Variants in HPSE2 observed in about 807,000 individuals in gnomAD.
The protein encoded by HPSE2 is inactive heparanase-2.
A neutral mutation model predicts 60.5 loss-of-function variants in HPSE2; 38 were observed. The observed-to-expected ratio is 0.63, with a 90% confidence interval of 0.48 to 0.82. The LOEUF (loss-of-function observed/expected upper bound fraction) is 0.82, where lower values mean the gene tolerates loss of function less well. Among genes scored for constraint, HPSE2 ranks in the 40% least tolerant of loss-of-function variants. The probability of loss-of-function intolerance (pLI) is 0.00; values close to 1 mark genes in which losing one functional copy is unlikely to be tolerated. For synonymous variants in HPSE2, 295 were observed against 293.2 expected (o/e 1.01, Z -0.06); for missense variants, 713 against 740.4 (o/e 0.96, Z 0.43).
intron 3 of HPSE2, among the ~76,000 whole-genome samples, chr10:98,954,067 A>T (rs945952653): frequency 2.0e-5 from 3 of 152,176 alleles, no homozygotes; most frequent in African/African-American, 7.2e-5. Flanking sequence ...GCACTTTGGG[A>T]GGCCGAGGCA....
chr10:98,463,646 A>G (rs1940402365), intron 11 of HPSE2, among the ~76,000 whole-genome samples: 1 of 152,056 alleles, frequency 6.6e-6, no homozygotes, highest in Admixed American at 6.5e-5. Flanking sequence ...CTACAAAAAA[A>G]TAAACAAAAT....
At chr10:99,058,973 T>C (rs1046741599) in intron 3 of HPSE2, among the ~76,000 whole-genome samples, 1 of 152,214 alleles carries the variant, frequency 6.6e-6, no homozygotes, top group African/African-American at 2.4e-5. Flanking sequence ...TGTTGTAGCA[T>C]AAAAGCAACC....
chr10:99,267,542 TG>T, the HPSE2 span, among the ~76,000 whole-genome samples: 1 of 152,046 alleles, frequency 6.6e-6, no homozygotes, highest in African/African-American at 2.4e-5. Flanking sequence ...CCAACACTTT[TG>T]GAGGCTGAGT....
At chr10:98,749,930 C>CTATATATATATATATATATA (rs771032742) in intron 3 of HPSE2, among the ~76,000 whole-genome samples, 11 of 96,976 alleles carry the variant, frequency 1.1e-4, no homozygotes, top group African/African-American at 3.4e-4. Context: ...ATATTAAACA[C>CTATATATATATATATATATA]TATATATATA....
intron 3 of HPSE2, among the ~76,000 whole-genome samples, chr10:98,952,200 G>T (rs1456768808): frequency 6.6e-6 from 1 of 152,152 alleles, no homozygotes; most frequent in East Asian, 1.9e-4. Flanking sequence ...CACAAGTGAG[G>T]TGCTAAGCAG....
chr10:98,698,282 C>T (rs1321268698), intron 5 of HPSE2, among the ~76,000 whole-genome samples: 37 of 69,652 alleles, frequency 5.3e-4, no homozygotes, highest in Non-Finnish European at 3.2e-4. Context: ...GAAATTATAA[C>T]AAACTGTCTC....
chr10:98,595,666 T>C (rs1413233570), intron 9 of HPSE2, among the ~76,000 whole-genome samples: 1 of 152,198 alleles, frequency 6.6e-6, no homozygotes, highest in African/African-American at 2.4e-5. Context: ...ATTTAACTTA[T>C]TATTTTCCAA....
intron 2 of HPSE2, among the ~76,000 whole-genome samples, chr10:99,218,904 T>C (rs1849222207): frequency 6.6e-6 from 1 of 152,240 alleles, no homozygotes; most frequent in Non-Finnish European, 1.5e-5. Context: ...AATAAGTCCA[T>C]GATCTGCTTT....
intron 2 of HPSE2, among the ~76,000 whole-genome samples, chr10:99,193,903 GA>G (rs1257552790): frequency 6.6e-6 from 1 of 152,044 alleles, no homozygotes; most frequent in African/African-American, 2.4e-5. Context: ...AATCAACAAA[GA>G]AATACTGGAT....
At chr10:98,551,387 A>T (rs987801566) in intron 9 of HPSE2, among the ~76,000 whole-genome samples, 1 of 152,180 alleles carries the variant, frequency 6.6e-6, no homozygotes, top group South Asian at 2.1e-4. Context: ...CCTGCCTGTC[A>T]TCAACTCCCA....
At chr10:98,655,528 A>C (rs1947037036) in intron 6 of HPSE2, among the ~76,000 whole-genome samples, 1 of 152,222 alleles carries the variant, frequency 6.6e-6, no homozygotes, top group Non-Finnish European at 1.5e-5. Context: ...TTTGCTCTGC[A>C]ACATCAATTC....
rs188484509 is a variant in HPSE2 at position 98,957,224 on chromosome 10, T to C, written c.610+187014A>G. On this transcript the variant is annotated intron_variant, in intron 3 of 11. Transcript: ENST00000370552. ...ACATGTCTTTACACTAAAAGCATGCTATATGAAGGATACTTTCTAGAGGGC... is the reference window on the plus strand; with the variant it reads ...ACATGTCTTTACACTAAAAGCATGCCATATGAAGGATACTTTCTAGAGGGC... Among the ~76,000 whole-genome samples, 730 of 152,288 alleles carry C rather than the reference T, an allele frequency of 4.8e-3. 7 individuals carry two copies. The highest frequency in any genetic ancestry group is 7.0e-3 in the Non-Finnish European group (477 of 68,016).
intron 4 of HPSE2, among the ~76,000 whole-genome samples, chr10:98,741,853 A>T (rs182500354): frequency 5.3e-5 from 8 of 152,292 alleles, no homozygotes; most frequent in Non-Finnish European, 4.4e-5. Flanking sequence ...CTCTCATGGC[A>T]GGTGTCATGC....
chr10:98,532,490 G>A (rs532652534), intron 9 of HPSE2, among the ~76,000 whole-genome samples: 3 of 152,264 alleles, frequency 2.0e-5, no homozygotes, highest in South Asian at 2.1e-4. Flanking sequence ...GCCTACCTCA[G>A]GGGGTTACTG....
intron 3 of HPSE2, among the ~76,000 whole-genome samples, chr10:98,981,024 A>G (rs889313861): frequency 2.3e-4 from 35 of 152,136 alleles, no homozygotes; most frequent in African/African-American, 8.4e-4. Flanking sequence ...ATCTCTAGCC[A>G]AAGATGGTAA....
chr10:98,518,355 G>C (rs1444812039), intron 9 of HPSE2, among the ~76,000 whole-genome samples: 1 of 152,144 alleles, frequency 6.6e-6, no homozygotes, highest in East Asian at 1.9e-4. Flanking sequence ...GCACTTTCTA[G>C]ATGAGACCAT....
chr10:98,604,730 A>C (rs905712589), intron 9 of HPSE2, among the ~76,000 whole-genome samples: 3 of 152,216 alleles, frequency 2.0e-5, no homozygotes, highest in African/African-American at 7.2e-5. Context: ...AAAAGATTTT[A>C]TTAATTTAGG....
chr10:99,185,586 A>G (rs767457602), intron 2 of HPSE2, among the ~76,000 whole-genome samples: 5 of 151,992 alleles, frequency 3.3e-5, no homozygotes, highest in Non-Finnish European at 5.9e-5. Context: ...CATCCTGGAT[A>G]ACACAGTGAA....
chr10:98,837,641 G>A (rs1279285642), intron 3 of HPSE2, among the ~76,000 whole-genome samples: 1 of 152,040 alleles, frequency 6.6e-6, no homozygotes, highest in African/African-American at 2.4e-5. Context: ...TTGGGAGGCC[G>A]AGGCGGGCGG....
Sources: gnomAD v4.1 joint callset for allele counts (sites outside exome capture counted in the v4.1 genomes callset) on GRCh38, gnomAD v4.1.1 for gene constraint, MANE v1.5 for transcripts, NCBI Gene and HGNC (gene_info 2026-07-23, HGNC 2026-07-21) for gene names.